The following WSCD2 variants were observed in gnomAD, a reference collection of about 807,000 sequenced individuals.
The protein encoded by WSCD2 is sialate:O-sulfotransferase 2.
WSCD2 carries 28 observed loss-of-function variants against 55.7 expected under a neutral mutation model. The ratio of observed to expected loss-of-function variants is 0.50; its 90% CI spans 0.37 to 0.69. WSCD2 has a LOEUF of 0.69. WSCD2 is among the 30% of genes least tolerant of loss of function. The probability of loss-of-function intolerance (pLI) is 0.00; values close to 1 mark genes in which losing one functional copy is unlikely to be tolerated. For synonymous variants in WSCD2, 301 were observed against 301.9 expected, an observed-to-expected ratio of 1.00 and a Z score of 0.03; for missense variants, 616 against 762.1, an observed-to-expected ratio of 0.81 and a Z score of 2.26.
chr12:108,177,191 T>C (rs577236720), intron 1 of WSCD2, among the ~76,000 whole-genome samples: 1 of 152,268 alleles, frequency 6.6e-6, no homozygotes, highest in African/African-American at 2.4e-5. Flanking sequence ...TTATGAGGTA[T>C]AGAAAATTTA....
chr12:108,206,647 A>G (rs1327393580), intron 3 of WSCD2, among the ~76,000 whole-genome samples: 2 of 152,360 alleles, frequency 1.3e-5, no homozygotes, highest in South Asian at 2.1e-4. Context: ...TATTGTGTCT[A>G]GGAACAATTT....
chr12:108,189,337 A>T (rs1174058109), intron 1 of WSCD2: 1 of 152,198 alleles, frequency 6.6e-6, no homozygotes, highest in Non-Finnish European at 1.5e-5. Flanking sequence ...CTGGAGAAAT[A>T]CACACTGCAG....
At chr12:108,214,276 T>C (rs1467194628) in intron 4 of WSCD2, among the ~76,000 whole-genome samples, 1 of 152,228 alleles carries the variant, frequency 6.6e-6, no homozygotes, top group East Asian at 1.9e-4. Context: ...CAAGGACCAT[T>C]CTGGTGGGGC....
At chr12:108,208,170 G>A (rs989789356) in intron 3 of WSCD2, among the ~76,000 whole-genome samples, 5 of 152,220 alleles carry the variant, frequency 3.3e-5, no homozygotes, top group Non-Finnish European at 5.9e-5. Flanking sequence ...CCACAGCCCT[G>A]TCCTCAGGGG....
At chr12:108,163,360 C>T (rs1032272415) in intron 1 of WSCD2, among the ~76,000 whole-genome samples, 2 of 151,912 alleles carry the variant, frequency 1.3e-5, no homozygotes, top group African/African-American at 4.8e-5. Context: ...CAGAGCAAGA[C>T]TTTGTCTCAA....
chr12:108,213,577 G>A (rs922148559), intron 4 of WSCD2, among the ~76,000 whole-genome samples: 1 of 152,180 alleles, frequency 6.6e-6, no homozygotes, highest in Non-Finnish European at 1.5e-5. Flanking sequence ...TAAAGGAGGG[G>A]ACATTTGACA....
chr12:108,175,388 C>T (rs964024418), intron 1 of WSCD2, among the ~76,000 whole-genome samples: 3 of 152,160 alleles, frequency 2.0e-5, no homozygotes, highest in South Asian at 2.1e-4. Context: ...AGCATGTGCC[C>T]GCACCACCCT....
chr12:108,147,629 C>T (rs1031485033), intron 1 of WSCD2, among the ~76,000 whole-genome samples: 31 of 152,220 alleles, frequency 2.0e-4, no homozygotes, highest in African/African-American at 7.5e-4. Flanking sequence ...GTAATTCCAG[C>T]ACTTTGGGAG....
intron 1 of WSCD2, among the ~76,000 whole-genome samples, chr12:108,134,210 G>A (rs1461611140): frequency 1.3e-5 from 2 of 152,176 alleles, no homozygotes; most frequent in Non-Finnish European, 2.9e-5. Context: ...TTATTGGGAT[G>A]GGTGCATCAC....
At chr12:108,162,878 A>G (rs917132422) in intron 1 of WSCD2, among the ~76,000 whole-genome samples, 1 of 152,156 alleles carries the variant, frequency 6.6e-6, no homozygotes, top group Non-Finnish European at 1.5e-5. Flanking sequence ...CATTCATAAG[A>G]TATCACTACA....
chr12:108,218,844 G>A (rs896677889), intron 4 of WSCD2, among the ~76,000 whole-genome samples: 2 of 152,216 alleles, frequency 1.3e-5, no homozygotes, highest in African/African-American at 4.8e-5. Context: ...GGCACCAGGT[G>A]CAAGGGTCCC....
At chr12:108,194,291 G>A (rs1883598649) in intron 1 of WSCD2, among the ~76,000 whole-genome samples, 1 of 152,262 alleles carries the variant, frequency 6.6e-6, no homozygotes, top group East Asian at 1.9e-4. Context: ...TTGTTTCTCA[G>A]ACCCACACCC....
chr12:108,165,937 T>C (rs1056188702), intron 1 of WSCD2, among the ~76,000 whole-genome samples: 1 of 152,206 alleles, frequency 6.6e-6, no homozygotes, highest in African/African-American at 2.4e-5. Context: ...AAAGGCAGAT[T>C]AGCAAGCATT....
chr12:108,145,210 C>A (rs1878395943), intron 1 of WSCD2, among the ~76,000 whole-genome samples: 2 of 152,196 alleles, frequency 1.3e-5, no homozygotes, highest in African/African-American at 4.8e-5. Flanking sequence ...GCCACTCAAC[C>A]CCCACCCCTC....
intron 1 of WSCD2, among the ~76,000 whole-genome samples, chr12:108,166,890 C>T (rs2136957012): frequency 6.6e-6 from 1 of 150,602 alleles, no homozygotes; most frequent in South Asian, 2.1e-4. Flanking sequence ...TGGCTCACTG[C>T]AACCTCCGCC....
At chr12:108,132,194 A>G (rs1364546620) in intron 1 of WSCD2, among the ~76,000 whole-genome samples, 1 of 152,144 alleles carries the variant, frequency 6.6e-6, no homozygotes, top group Non-Finnish European at 1.5e-5. Flanking sequence ...TGAAACCATC[A>G]GTGGGGAAGG....
At chr12:108,139,516 G>C (rs1038448392) in intron 1 of WSCD2, among the ~76,000 whole-genome samples, 12 of 152,158 alleles carry the variant, frequency 7.9e-5, no homozygotes, top group African/African-American at 2.9e-4. Context: ...TAGTTTTGGA[G>C]TCACCAACAT....
intron 1 of WSCD2, among the ~76,000 whole-genome samples, chr12:108,137,015 C>G (rs1876297826): frequency 6.6e-6 from 1 of 152,178 alleles, no homozygotes; most frequent in African/African-American, 2.4e-5. Context: ...GCTGAGCATG[C>G]TGGGCTCTGG....
intron 1 of WSCD2, among the ~76,000 whole-genome samples, chr12:108,166,689 T>C (rs1255598920): frequency 6.6e-6 from 1 of 151,518 alleles, no homozygotes; most frequent in Admixed American, 6.6e-5. Context: ...TTTCACTATT[T>C]GCTGCATTTT....
Sources: allele counts gnomAD v4.1 joint callset (sites outside exome capture counted in the v4.1 genomes callset), GRCh38; gene constraint gnomAD v4.1.1; transcripts MANE v1.5; gene names NCBI Gene and HGNC (gene_info 2026-07-23, HGNC 2026-07-21).